Variants in NFIB observed in about 807,000 individuals in gnomAD.
NFIB encodes nuclear factor I B.
NFIB carries 11 observed loss-of-function variants against 61.5 expected under a neutral mutation model. The ratio of observed to expected loss-of-function variants is 0.18; its 90% CI spans 0.11 to 0.30. The LOEUF is 0.30. Among genes scored for constraint, NFIB ranks in the 10% least tolerant of loss-of-function variants. The pLI is 1.00. For missense variants in NFIB, 471 were observed against 608.9 expected (o/e 0.77, Z 2.38); for synonymous variants, 260 against 216.5 (o/e 1.20, Z -1.76).
At chr9:14,265,899 G>A (rs748031413) in intron 2 of NFIB, among the ~76,000 whole-genome samples, 1 of 152,160 alleles carries the variant, frequency 6.6e-6, no homozygotes, top group Non-Finnish European at 1.5e-5. Context: ...GAGTCCATAG[G>A]GGGAACAGCC....
At chr9:14,318,505 C>T (rs905786434), upstream of NFIB, among the ~76,000 whole-genome samples, 1 of 66,840 alleles carries the variant, frequency 1.5e-5, no homozygotes, top group Non-Finnish European at 2.6e-5. Context: ...CACTCGATGC[C>T]TTTTTTTTTT....
At chr9:14,294,956 C>G (rs9657587) in intron 2 of NFIB, among the ~76,000 whole-genome samples, 13,019 of 152,200 alleles carry the variant, frequency 0.086, 1,845 homozygotes, top group African/African-American at 0.29. Flanking sequence ...CTCCAAGGAC[C>G]TCCATGGACA....
intron 1 of NFIB, among the ~76,000 whole-genome samples, chr9:14,397,330 G>A (rs1007339323): frequency 6.8e-6 from 1 of 146,368 alleles, no homozygotes; most frequent in Non-Finnish European, 1.6e-5. Flanking sequence ...AAAGATAACT[G>A]TGTATTTGTG....
chr9:14,091,949 G>A (rs2033984537), intron 10 of NFIB, among the ~76,000 whole-genome samples: 1 of 151,966 alleles, frequency 6.6e-6, no homozygotes, highest in African/African-American at 2.4e-5. Flanking sequence ...AAAATAAAAT[G>A]TTTGATATCA....
chr9:14,265,690 C>A (rs1204664071), intron 2 of NFIB, among the ~76,000 whole-genome samples: 2 of 152,198 alleles, frequency 1.3e-5, no homozygotes, highest in Non-Finnish European at 2.9e-5. Context: ...CAGCATTCCT[C>A]TCCCTTCTAG....
chr9:14,180,890 G>C (rs2046691116), intron 2 of NFIB: 1 of 152,150 alleles, frequency 6.6e-6, no homozygotes, highest in South Asian at 2.1e-4. Context: ...TTTTGAACTT[G>C]ATAATGAATT....
intron 2 of NFIB, among the ~76,000 whole-genome samples, chr9:14,234,857 G>A (rs1273774496): frequency 8.1e-5 from 12 of 147,788 alleles, no homozygotes; most frequent in African/African-American, 3.0e-4. Context: ...TTAAAAACCA[G>A]ATCCAAGAGG....
chr9:14,390,983 C>T (rs2061612407), intron 1 of NFIB, among the ~76,000 whole-genome samples: 1 of 152,082 alleles, frequency 6.6e-6, no homozygotes, highest in Non-Finnish European at 1.5e-5. Flanking sequence ...AAAATGATTG[C>T]ATATATAAAG....
chr9:14,223,913 C>G (rs2052027231), intron 2 of NFIB, among the ~76,000 whole-genome samples: 1 of 152,180 alleles, frequency 6.6e-6, no homozygotes, highest in Admixed American at 6.5e-5. Flanking sequence ...CCTAACCGCC[C>G]ACTACACTCT....
chr9:14,463,277 G>C, the NFIB span, among the ~76,000 whole-genome samples: 4 of 151,784 alleles, frequency 2.6e-5, no homozygotes, highest in Non-Finnish European at 4.4e-5. Flanking sequence ...AAATATAAAA[G>C]ACTTTATGGG....
intron 10 of NFIB, among the ~76,000 whole-genome samples, chr9:14,100,535 C>A (rs2035603855): frequency 6.6e-6 from 1 of 151,716 alleles, no homozygotes; most frequent in Non-Finnish European, 1.5e-5. Context: ...AGTGAAGCCC[C>A]GTCTCTACTA....
At chr9:14,498,933 G>C in the NFIB span, among the ~76,000 whole-genome samples, 2 of 151,968 alleles carry the variant, frequency 1.3e-5, no homozygotes, top group African/African-American at 4.8e-5. Context: ...ATCAAGATGG[G>C]GTTCCTGCCT....
chr9:14,163,345 T>C lies in NFIB; in HGVS notation c.617-7452A>G, dbSNP rs73642100. On this transcript the variant is annotated intron_variant, in intron 3 of 10. Transcript: ENST00000380953. ...AATGTATATGGACTGAATTTTCCCA[T>C]AAAGGGAGTTTAGGTCAACTGAAAA... Among the ~76,000 whole-genome samples, 539 of 152,030 alleles carry C rather than the reference T, an allele frequency of 3.5e-3. 4 individuals are homozygous for C. The highest frequency in any genetic ancestry group is 0.012 in the African/African-American group (508 of 41,512).
In NFIB at chr9:14,376,533, T is replaced by G. The variant is rs187627466; in HGVS notation, c.108+21991A>C. ...TAAAAGTGTCATTTTTTTTTTTTTT[T>G]TGATACAGGGTTTCACTCTGTCGTT... On this transcript the variant is annotated intron_variant, in intron 1 of 8. Coordinates refer to the NFIB transcript ENST00000380934. Among the ~76,000 whole-genome samples, 592 of 151,892 alleles carry G rather than the reference T, an allele frequency of 3.9e-3. 13 individuals carry two copies. Among genetic ancestry groups the G allele is most frequent in the Admixed American group, 0.032 (491 of 15,254 alleles).
intron 1 of NFIB, among the ~76,000 whole-genome samples, chr9:14,389,699 G>A (rs977361953): frequency 2.0e-5 from 3 of 152,212 alleles, no homozygotes; most frequent in African/African-American, 7.2e-5. Flanking sequence ...CTCAATTAGA[G>A]TTGGATCACA....
intron 2 of NFIB, among the ~76,000 whole-genome samples, chr9:14,199,072 T>C (rs1274449511): frequency 6.6e-6 from 1 of 152,230 alleles, no homozygotes; most frequent in Non-Finnish European, 1.5e-5. Flanking sequence ...TCTGTTGCTT[T>C]ATCCAAGTGA....
At chr9:14,454,426 T>A in the NFIB span, among the ~76,000 whole-genome samples, 3 of 152,262 alleles carry the variant, frequency 2.0e-5, no homozygotes, top group South Asian at 4.1e-4. Context: ...TTCAAAGCAT[T>A]TGACCAGGAG....
chr9:14,257,534 T>C (rs2056339442), intron 2 of NFIB, among the ~76,000 whole-genome samples: 1 of 152,164 alleles, frequency 6.6e-6, no homozygotes, highest in Non-Finnish European at 1.5e-5. Context: ...GGTGGGTGGA[T>C]CACCTGAGTC....
At chr9:14,414,272 TA>T in the NFIB span, among the ~76,000 whole-genome samples, 1 of 151,776 alleles carries the variant, frequency 6.6e-6, no homozygotes, top group Admixed American at 6.6e-5. Context: ...TCATCTCTAC[TA>T]AAAATACAAA....
Sources: gnomAD v4.1 joint callset for allele counts (sites outside exome capture counted in the v4.1 genomes callset) on GRCh38, gnomAD v4.1.1 for gene constraint, MANE v1.5 for transcripts, NCBI Gene and HGNC (gene_info 2026-07-23, HGNC 2026-07-21) for gene names.